Variants in TMEM232 observed in about 807,000 individuals in gnomAD.
The protein encoded by TMEM232 is transmembrane protein 232.
In TMEM232, 80 loss-of-function variants were observed where a neutral mutation model predicts 78.8. The observed-to-expected ratio is 1.01, with a 90% CI of 0.85 to 1.22. The LOEUF (loss-of-function observed/expected upper bound fraction) is 1.22, where lower values mean the gene tolerates loss of function less well. Ranked by LOEUF, TMEM232 falls within the 50% of genes most tolerant of loss-of-function variation. The pLI, the probability that TMEM232 is intolerant of heterozygous loss-of-function variation, is 0.00. For synonymous variants in TMEM232, 297 were observed against 254.3 expected (o/e 1.17, Z -1.60); for missense variants, 881 against 742.2 (o/e 1.19, Z -2.17).
At chr5:110,711,456 C>G (rs1796468117) in intron 1 of TMEM232, among the ~76,000 whole-genome samples, 1 of 152,166 alleles carries the variant, frequency 6.6e-6, no homozygotes, top group African/African-American at 2.4e-5. Context: ...ACGGCCAAAG[C>G]TATTCCTAGA....
At chr5:110,642,488 TA>T in intron 2 of TMEM232, 117 bp from the exon 3 acceptor site, 1 of 681,242 alleles carries the variant, frequency 1.5e-6, no homozygotes, top group South Asian at 2.3e-5. Flanking sequence ...ACTTTCTTAA[TA>T]AAACTGTTTC....
upstream of TMEM232, among the ~76,000 whole-genome samples, chr5:110,730,821 AC>A (rs1276503856): frequency 6.6e-6 from 1 of 152,128 alleles, no homozygotes; most frequent in Non-Finnish European, 1.5e-5. Context: ...ACACAGCCAA[AC>A]CAGATCATTC....
chr5:110,519,266 G>A (rs1272172078), intron 12 of TMEM232, among the ~76,000 whole-genome samples: 6 of 152,238 alleles, frequency 3.9e-5, no homozygotes, highest in African/African-American at 7.2e-5. Context: ...GAATGTAGCC[G>A]TACATGTGCA....
chr5:110,737,154 C>T (rs1799263265), intron 1 of TMEM232, among the ~76,000 whole-genome samples: 2 of 151,996 alleles, frequency 1.3e-5, no homozygotes, highest in Non-Finnish European at 2.9e-5. Context: ...ATGCAAGCAC[C>T]TTGTCTGGCT....
chr5:110,513,540 A>AT (rs1252535487), intron 12 of TMEM232, among the ~76,000 whole-genome samples: 1 of 152,182 alleles, frequency 6.6e-6, no homozygotes, highest in East Asian at 1.9e-4. Flanking sequence ...CTGAATAGAC[A>AT]TTTTTCCAAG....
chr5:110,526,892 C>A (rs1017960109), intron 12 of TMEM232, among the ~76,000 whole-genome samples: 1 of 151,698 alleles, frequency 6.6e-6, no homozygotes, highest in African/African-American at 2.4e-5. Context: ...CTAGAAAATT[C>A]TCCATGTACT....
intron 11 of TMEM232, among the ~76,000 whole-genome samples, chr5:110,548,917 G>C (rs1774111677): frequency 6.6e-6 from 1 of 151,902 alleles, no homozygotes; most frequent in African/African-American, 2.4e-5. Context: ...AAAGTGTAGT[G>C]ATTGATCATA....
intron 12 of TMEM232, among the ~76,000 whole-genome samples, chr5:110,494,055 T>C (rs1051729123): frequency 5.3e-5 from 8 of 152,108 alleles, no homozygotes; most frequent in African/African-American, 1.9e-4. Flanking sequence ...CTGAGAATGA[T>C]GGTTTCCAGT....
chr5:110,519,580 AAAAAC>A (rs1195325814), intron 12 of TMEM232, among the ~76,000 whole-genome samples: 1 of 152,130 alleles, frequency 6.6e-6, no homozygotes, highest in African/African-American at 2.4e-5. Context: ...TCAAAAAAAC[AAAAAC>A]AAAACCACTG....
intron 13 of TMEM232, among the ~76,000 whole-genome samples, chr5:110,422,519 CAAA>C (rs34448955): frequency 0.016 from 538 of 34,426 alleles, 1 homozygote; most frequent in African/African-American, 0.045. Flanking sequence ...GACTCTGTCT[CAAA>C]AAAAAAAAAA....
intron 12 of TMEM232, among the ~76,000 whole-genome samples, chr5:110,477,535 CAAT>C (rs1482284874): frequency 2.6e-5 from 4 of 151,682 alleles, no homozygotes; most frequent in Non-Finnish European, 5.9e-5. Flanking sequence ...ATAATATTAA[CAAT>C]AATATTACAC....
intron 1 of TMEM232, among the ~76,000 whole-genome samples, chr5:110,692,933 G>C (rs752633005): frequency 3.3e-5 from 5 of 152,192 alleles, no homozygotes; most frequent in Non-Finnish European, 5.9e-5. Context: ...AAATGTCCCT[G>C]TCTGACAGCT....
At chr5:110,598,668 A>ATAC (rs1780490617) in intron 10 of TMEM232, among the ~76,000 whole-genome samples, 1 of 152,014 alleles carries the variant, frequency 6.6e-6, no homozygotes, top group African/African-American at 2.4e-5. Context: ...ACACCATGGA[A>ATAC]TACTATGCAG....
intron 11 of TMEM232, among the ~76,000 whole-genome samples, chr5:110,561,868 A>C (rs1052045459): frequency 1.4e-4 from 21 of 152,222 alleles, no homozygotes; most frequent in Admixed American, 7.2e-4. Flanking sequence ...CATGGCAGTT[A>C]CTGGGTTCCA....
In TMEM232 at chr5:110,625,329, A is replaced by C; in HGVS notation, c.706T>G (p.Ser236Ala). The C allele has an allele frequency of 6.5e-7, 1 of 1,547,296 alleles. No individual in the cohort carries two copies. Among genetic ancestry groups the C allele is most frequent in the East Asian group, 2.5e-5 (1 of 40,728 alleles). Residue 236 changes from serine (S) to alanine (A), a missense_variant, in exon 7 of 14, where the codon TCT (serine) becomes GCT (alanine). Coordinates refer to ENST00000455884, the MANE Select transcript of TMEM232 (RefSeq NM_001039763.4). ...SEIIGKRELR[S>A]ESIFRPVEDK... Reference sequence around the variant, plus strand: ...TCCACAGGTCTAAAAATGGATTCAGAACGGAGTTCTCTTTTACCTATAATT... The same window carrying C: ...TCCACAGGTCTAAAAATGGATTCAGCACGGAGTTCTCTTTTACCTATAATT...
At chr5:110,518,757 C>T (rs1769058426) in intron 12 of TMEM232, among the ~76,000 whole-genome samples, 1 of 152,084 alleles carries the variant, frequency 6.6e-6, no homozygotes, top group Non-Finnish European at 1.5e-5. Flanking sequence ...GGCAGCAACA[C>T]TCATATGATT....
chr5:110,534,004 C>G (rs1771944056), intron 11 of TMEM232, among the ~76,000 whole-genome samples: 1 of 152,182 alleles, frequency 6.6e-6, no homozygotes, highest in Non-Finnish European at 1.5e-5. Flanking sequence ...GAGGCCCTCT[C>G]CCTTCCCTAC....
chr5:110,508,290 AATG>A (rs1436009282), intron 12 of TMEM232, among the ~76,000 whole-genome samples: 2 of 152,102 alleles, frequency 1.3e-5, no homozygotes, highest in Non-Finnish European at 1.5e-5. Context: ...AGCTGTTCAG[AATG>A]ATAAATGGAT....
intron 12 of TMEM232, among the ~76,000 whole-genome samples, chr5:110,465,357 G>A (rs551302791): frequency 7.2e-5 from 11 of 152,246 alleles, no homozygotes; most frequent in African/African-American, 2.6e-4. Flanking sequence ...TCTCTGATTG[G>A]TGGTTAACAT....
Sources: gnomAD v4.1 joint callset for allele counts (sites outside exome capture counted in the v4.1 genomes callset) on GRCh38, gnomAD v4.1.1 for gene constraint, MANE v1.5 for transcripts, NCBI Gene and HGNC (gene_info 2026-07-23, HGNC 2026-07-21) for gene names.